Variants in EFR3B observed in about 807,000 individuals in gnomAD.
EFR3B encodes protein EFR3 homolog B.
In EFR3B, 64 loss-of-function variants were observed where a neutral mutation model predicts 104.7. The observed-to-expected ratio is 0.61, with a 90% CI of 0.50 to 0.75. The LOEUF is 0.75. Among genes scored for constraint, EFR3B ranks in the 30% least tolerant of loss-of-function variants. EFR3B has a pLI of 0.00. For synonymous variants in EFR3B, 385 were observed against 417.9 expected (o/e 0.92, Z 0.96); for missense variants, 750 against 1,078.5 (o/e 0.70, Z 4.27).
intron 1 of EFR3B, among the ~76,000 whole-genome samples, chr2:25,055,418 T>A (rs978266343): frequency 6.6e-6 from 1 of 152,190 alleles, no homozygotes; most frequent in Non-Finnish European, 1.5e-5. Flanking sequence ...ATGTCCTTTA[T>A]CCTGACCGAG....
Position 25,157,147 on chromosome 2 carries a change from C to T in EFR3B, c.*2807C>T, listed in dbSNP as rs1057238145. On this transcript the variant is annotated 3_prime_UTR_variant, in exon 23 of 23. Transcript: ENST00000403714. Reference sequence around the variant, plus strand: ...CTGTTTCCTCTCCACCGGTCCCAGGCAGCTTTTCCTTTCCATCACTGCCGC... The same window carrying T: ...CTGTTTCCTCTCCACCGGTCCCAGGTAGCTTTTCCTTTCCATCACTGCCGC... The T allele has an allele frequency of 6.6e-6, 1 of 152,246 alleles. No homozygotes were observed. Among genetic ancestry groups the T allele is most frequent in the South Asian group, 2.1e-4 (1 of 4,836 alleles). The allele number at this position is 152,246 out of a possible 1,614,324, so 9.4% of individuals were successfully genotyped here.
rs1404980743 is a variant in EFR3B, at chr2:25,080,741, C to A, written c.8-10584C>A. On this transcript the variant is annotated intron_variant, in intron 1 of 22. Coordinates refer to ENST00000403714, the MANE Select transcript of EFR3B (RefSeq NM_014971.2). ...TCTTCTTGGGTTCAGTCCTGTAGAT[C>A]AAAGATTTTCTTTTGGCGTTAGGCT... 6 of 1,271,036 alleles carry A rather than the reference C, an allele frequency of 4.7e-6. No homozygotes were observed. The African/African-American group carries it at 8.9e-5, about 19-fold the overall frequency. The allele number at this position is 1,271,036 out of a possible 1,614,324, so 78.7% of individuals were successfully genotyped here.
chr2:25,052,621 C>A (rs1667906376), intron 1 of EFR3B, among the ~76,000 whole-genome samples: 1 of 151,598 alleles, frequency 6.6e-6, no homozygotes, highest in South Asian at 2.1e-4. Context: ...CCTGCCTCAG[C>A]CTCCTGAGTA....
chr2:25,042,464 T>C lies in EFR3B; in HGVS notation c.7+145T>C. On this transcript the variant is annotated intron_variant, in intron 1 of 22. Coordinates refer to ENST00000403714, the MANE Select transcript of EFR3B (RefSeq NM_014971.2). This position sits in a 1 kb window ranked among gnomAD's most constrained non-coding sequence, Gnocchi z 5.4. ...CGGCGGGGCTGTTGCGGTCGCTCTG[T>C]GCGCGCGCGTCTGCGCTGCGAGGAC... The C allele has an allele frequency of 6.6e-6, 8 of 1,206,970 alleles. No homozygotes were observed. The highest frequency in any genetic ancestry group is 8.2e-6 in the Non-Finnish European group (8 of 972,212). 74.8% of individuals were successfully genotyped at this position (1,206,970 alleles called of 1,614,324 possible). A position where few individuals can be genotyped will look rare whatever the true frequency, so the allele number is the denominator to read the frequency against.
chr2:25,148,261 TA>T lies in EFR3B; in HGVS notation c.2143-1419del, dbSNP rs1318747646. On this transcript the variant is annotated intron_variant, in intron 19 of 22. Coordinates refer to ENST00000403714, the MANE Select transcript of EFR3B (RefSeq NM_014971.2). ...GGGGAGGGCCGGTCACTTCTTTTTT[TA>T]AAAAAAAAAAAAACAGAGTCTCCCT... 9.4e-3 allele frequency among the ~76,000 whole-genome samples: 1,308 copies of T among 139,730 alleles called. 14 individuals are homozygous for T. The highest frequency in any genetic ancestry group is 0.027 in the African/African-American group (1,049 of 38,310). The allele number at this position is 139,730 out of a possible 152,430, so 91.7% of individuals were successfully genotyped here.
At position 25,130,592 on chromosome 2, in the gene EFR3B, GC is replaced by G; in HGVS notation, c.813del (p.Ile272SerfsTer69). The G allele has an allele frequency of 6.4e-7, 1 of 1,551,702 alleles. No individual in the cohort carries two copies. Among genetic ancestry groups the G allele is most frequent in the Non-Finnish European group, 8.7e-7 (1 of 1,146,992 alleles). ...TTCTCTTTGGGAACCCAAGGTGTTT[GC>G]CATCCGTTGCTTTAAAATCATCATG... is the stretch of plus-strand genomic sequence containing the variant. ...NHSLWEPKVF[A>X]IRCFKIIMYS... On this transcript the variant is annotated frameshift_variant, in exon 8 of 23. Coordinates refer to ENST00000403714, the MANE Select transcript of EFR3B (RefSeq NM_014971.2). LOFTEE classifies it high-confidence loss of function. The surrounding 1 kb of genome is among the most constrained non-coding windows in gnomAD (Gnocchi z 4.6).
intron 1 of EFR3B, among the ~76,000 whole-genome samples, chr2:25,078,931 A>G (rs1412864333): frequency 6.6e-6 from 1 of 151,974 alleles, no homozygotes; most frequent in Non-Finnish European, 1.5e-5. Context: ...ACATCCTTTC[A>G]TTCACTGCCA....
At chr2:25,059,419 C>G (rs1002693789) in intron 1 of EFR3B, among the ~76,000 whole-genome samples, 7 of 152,018 alleles carry the variant, frequency 4.6e-5, no homozygotes, top group Non-Finnish European at 1.0e-4. Flanking sequence ...AATCTTGACA[C>G]ATAGTACAAC....
intron 17 of EFR3B, among the ~76,000 whole-genome samples, chr2:25,142,744 G>A (rs1670706518): frequency 6.6e-6 from 1 of 150,636 alleles, no homozygotes; most frequent in Non-Finnish European, 1.5e-5. Context: ...GGGCAACAGG[G>A]AGAGACTTGG....
chr2:25,045,780 T>C (rs952907278), intron 1 of EFR3B, among the ~76,000 whole-genome samples: 1 of 149,688 alleles, frequency 6.7e-6, no homozygotes, highest in African/African-American at 2.5e-5. Context: ...CGAGACTCCA[T>C]CTCAAAAAAA....
rs564899578 is a variant in EFR3B, at chr2:25,057,579, C to T, written c.7+15260C>T. Among the ~76,000 whole-genome samples the T allele has an allele frequency of 2.6e-5, 4 of 151,784 alleles. No homozygotes were observed. The East Asian group carries it at 7.7e-4, about 29-fold the overall frequency. On this transcript the variant is annotated intron_variant, in intron 1 of 22. Transcript: ENST00000403714. Reference sequence around the variant, plus strand: ...GGTGGATCACCTGAGGTCGGGAGTTCGAGACCAGCCTGACCAACATGGAGA... The same window carrying T: ...GGTGGATCACCTGAGGTCGGGAGTTTGAGACCAGCCTGACCAACATGGAGA...
intron 1 of EFR3B, among the ~76,000 whole-genome samples, chr2:25,083,428 T>C (rs550176722): frequency 2.0e-5 from 3 of 152,360 alleles, no homozygotes; most frequent in East Asian, 3.9e-4. Flanking sequence ...AAGAAATATA[T>C]AAAAACATTA....
At chr2:25,115,404 C>T (rs1378323403) in intron 4 of EFR3B, among the ~76,000 whole-genome samples, 1 of 152,194 alleles carries the variant, frequency 6.6e-6, no homozygotes. Flanking sequence ...GCGGGTTGAG[C>T]TGAAATAATT....
rs1336499133 is a variant in EFR3B, at chr2:25,157,662, G to A, written c.*3322G>A. On this transcript the variant is annotated 3_prime_UTR_variant, in exon 23 of 23. Coordinates refer to ENST00000403714, the MANE Select transcript of EFR3B (RefSeq NM_014971.2). ...GTAGGCAGGAATGTATTTGAGATTT[G>A]GAAGTACTGTTAATTTGGTGGAGTC... 1 of 152,300 alleles carries A rather than the reference G, an allele frequency of 6.6e-6. No individual in the cohort carries two copies. Among genetic ancestry groups the A allele is most frequent in the African/African-American group, 2.4e-5 (1 of 41,470 alleles). The allele number at this position is 152,300 out of a possible 1,614,324, so 9.4% of individuals were successfully genotyped here. A position where few individuals can be genotyped will look rare whatever the true frequency, so the allele number is the denominator to read the frequency against.
chr2:25,125,817 G>A (rs571474896), intron 5 of EFR3B, among the ~76,000 whole-genome samples: 177 of 152,248 alleles, frequency 1.2e-3, no homozygotes, highest in African/African-American at 3.9e-3. Context: ...GCGTGGTGGC[G>A]GGCGCCTGTA....
rs551658331 is a variant in EFR3B, at chr2:25,068,846, G to GT, written c.8-22478dup. On this transcript the variant is annotated intron_variant, in intron 1 of 22. Transcript: ENST00000403714. ...GGGTTTCACCGTGTTAGCCAGGATGGTCTCTATCTCCTGACCTTGTGGTCC... is the reference window on the plus strand; with the variant it reads ...GGGTTTCACCGTGTTAGCCAGGATGGTTCTCTATCTCCTGACCTTGTGGTCC... Among the ~76,000 whole-genome samples, 243 of 151,652 alleles carry GT rather than the reference G, an allele frequency of 1.6e-3. 1 individual carries two copies. Among genetic ancestry groups the GT allele is most frequent in the African/African-American group, 5.8e-3 (238 of 41,310 alleles).
chr2:25,057,641 G>A (rs1025889029), intron 1 of EFR3B, among the ~76,000 whole-genome samples: 15 of 152,206 alleles, frequency 9.9e-5, no homozygotes, highest in Admixed American at 9.8e-4. Context: ...AACTAGCTGG[G>A]CACGGTGGCA....
intron 4 of EFR3B, among the ~76,000 whole-genome samples, chr2:25,120,950 G>A (rs1669996173): frequency 6.6e-6 from 1 of 152,146 alleles, no homozygotes; most frequent in Non-Finnish European, 1.5e-5. Context: ...CGCCCAGGCT[G>A]GAGCGCAGTG....
rs1668788428 is a variant in EFR3B at position 25,081,030 on chromosome 2, A to G, written c.8-10295A>G. 9.3e-6 allele frequency: 7 copies of G among 751,472 alleles called. 1 individual carries two copies. The highest frequency in any genetic ancestry group is 3.7e-4 in the Middle Eastern group (1 of 2,670). 46.6% of individuals were successfully genotyped at this position (751,472 alleles called of 1,614,324 possible). On this transcript the variant is annotated intron_variant, in intron 1 of 22. Transcript: ENST00000403714. ...AGGAGTCTCAGCAGCAACATCTGCA[A>G]TGTTGACACCACCATGTGAACTTCC...
Sources: allele counts gnomAD v4.1 joint callset (sites outside exome capture counted in the v4.1 genomes callset), GRCh38; gene constraint gnomAD v4.1.1; non-coding constraint Gnocchi (gnomAD v3.1); transcripts MANE v1.5; gene names NCBI Gene and HGNC (gene_info 2026-07-23, HGNC 2026-07-21).